WIPF2: variants seen among roughly 807,000 people sequenced by gnomAD.
The protein encoded by WIPF2 is WAS/WASL-interacting protein family member 2.
Under a neutral mutation model 38.8 loss-of-function variants are expected in WIPF2, and 23 were observed. The ratio of observed to expected loss-of-function variants is 0.59; its 90% CI spans 0.43 to 0.84. The LOEUF is 0.84. Among genes scored for constraint, WIPF2 ranks in the 40% least tolerant of loss-of-function variants. WIPF2 has a pLI of 0.00. For missense variants in WIPF2, 574 were observed against 580.5 expected (o/e 0.99, Z 0.11); for synonymous variants, 210 against 223.2 (o/e 0.94, Z 0.53).
chr17:40,256,577 G>A (rs2031738475), intron 2 of WIPF2, 55 bp downstream of exon 2: 3 of 1,534,578 alleles, frequency 2.0e-6, no homozygotes, highest in Admixed American at 4.8e-5. Flanking sequence ...TAGGTTGATG[G>A]TCCTCACATA....
intron 1 of WIPF2, among the ~76,000 whole-genome samples, chr17:40,232,063 AGTGCAGTGGT>A (rs1485313488): frequency 7.1e-6 from 1 of 141,468 alleles, no homozygotes; most frequent in Non-Finnish European, 1.5e-5. Context: ...CCCAGGCTGG[AGTGCAGTGGT>A]GTGATGTCTG....
chr17:40,219,569 A>C (rs955389521), intron 1 of WIPF2, 77 bp downstream of exon 1: 1 of 44,750 alleles, frequency 2.2e-5, no homozygotes, highest in Non-Finnish European at 4.2e-5. Flanking sequence ...AGTCGCGGGG[A>C]GGGGGGCTCG....
chr17:40,247,377 C>T (rs1286606442), intron 1 of WIPF2, among the ~76,000 whole-genome samples: 3 of 151,268 alleles, frequency 2.0e-5, no homozygotes, highest in South Asian at 2.1e-4. Context: ...TGCCACCAAG[C>T]CTGGCTAATT....
At chr17:40,235,417 C>T (rs1486601850) in intron 1 of WIPF2, among the ~76,000 whole-genome samples, 3 of 151,846 alleles carry the variant, frequency 2.0e-5, no homozygotes, top group Non-Finnish European at 4.4e-5. Context: ...CATTCTTTTC[C>T]TTCCTTCCCT....
chr17:40,260,493 G>A, intron 2 of WIPF2, 42 bp from the exon 3 acceptor site: 1 of 1,605,318 alleles, frequency 6.2e-7, no homozygotes, highest in Non-Finnish European at 8.5e-7. Flanking sequence ...GGCCGATAAA[G>A]GGAACTCTTT....
intron 5 of WIPF2, chr17:40,273,467 C>G: frequency 3.7e-6 from 1 of 273,458 alleles, no homozygotes; most frequent in Non-Finnish European, 6.9e-6. Flanking sequence ...GGAGAACATT[C>G]GGAAGGCTTT....
chr17:40,255,301 C>A (rs944089710), intron 1 of WIPF2, among the ~76,000 whole-genome samples: 2 of 151,866 alleles, frequency 1.3e-5, no homozygotes, highest in Non-Finnish European at 2.9e-5. Flanking sequence ...CAAGCCTGCA[C>A]AATACAGGGA....
At position 40,277,171 on chromosome 17, in the gene WIPF2, C is replaced by A. The variant is rs2032428166; in HGVS notation, c.1269C>A (p.Ser423Arg). ...AACACTTTCAGAGGATATATCCCAG[C>A]AAAACAAACCGAGGTGAGAATAATA... is the stretch of plus-strand genomic sequence containing the variant. ...EYKHFQRIYPSKTNRAARGAP... is the reference protein window; with the variant it reads ...EYKHFQRIYPRKTNRAARGAP... The change falls in exon 7 of 8, where the codon AGC (serine) becomes AGA (arginine). Residue 423 changes from serine (S) to arginine (R), a missense_variant. Ser to Arg is a moderately radical substitution (Grantham distance 110). Transcript: ENST00000323571. 2.5e-6 allele frequency: 4 copies of A among 1,608,612 alleles called. No individual in the cohort carries two copies. Among genetic ancestry groups the A allele is most frequent in the Non-Finnish European group, 3.4e-6 (4 of 1,176,486 alleles).
At chr17:40,257,608 T>G (rs1172958249) in intron 2 of WIPF2, among the ~76,000 whole-genome samples, 3 of 151,594 alleles carry the variant, frequency 2.0e-5, no homozygotes, top group Non-Finnish European at 4.4e-5. Flanking sequence ...AGGCCAGGTG[T>G]GGTGACAAGC....
intron 1 of WIPF2, among the ~76,000 whole-genome samples, chr17:40,229,844 G>T (rs951936399): frequency 6.6e-6 from 1 of 152,192 alleles, no homozygotes; most frequent in Non-Finnish European, 1.5e-5. Context: ...CTGAGGAATT[G>T]ACTTTTAAGG....
At chr17:40,268,079 T>C (rs970684560) in intron 5 of WIPF2, among the ~76,000 whole-genome samples, 2 of 152,038 alleles carry the variant, frequency 1.3e-5, no homozygotes, top group African/African-American at 4.8e-5. Context: ...GCCTGGGAGG[T>C]GGAGGCTGCA....
Position 40,278,382 on chromosome 17 carries a change from C to G in WIPF2, c.*157C>G, listed in dbSNP as rs184596035. ...AAATGTCCTCCCAGCTCACCTCCAT[C>G]TATGCATCTCATCTCTGGATTTGGT... On this transcript the variant is annotated 3_prime_UTR_variant, in exon 8 of 8. Transcript: ENST00000323571. 5 of 773,094 alleles carry G rather than the reference C, an allele frequency of 6.5e-6. No individual in the cohort carries two copies. In the African/African-American group the frequency reaches 8.8e-5, roughly 14 times the overall value. 47.9% of individuals were successfully genotyped at this position (773,094 alleles called of 1,614,324 possible).
chr17:40,261,205 G>A (rs1442770349), intron 3 of WIPF2, among the ~76,000 whole-genome samples: 1 of 152,052 alleles, frequency 6.6e-6, no homozygotes, highest in Non-Finnish European at 1.5e-5. Context: ...GGCCTCTGGA[G>A]AGTGCTCACG....
intron 1 of WIPF2, among the ~76,000 whole-genome samples, chr17:40,227,160 C>T (rs1472384777): frequency 1.3e-5 from 2 of 152,190 alleles, no homozygotes; most frequent in Non-Finnish European, 2.9e-5. Flanking sequence ...CCTGCCTCAC[C>T]GTGTCAAGTA....
At chr17:40,236,082 G>A (rs2030956239) in intron 1 of WIPF2, among the ~76,000 whole-genome samples, 1 of 149,240 alleles carries the variant, frequency 6.7e-6, no homozygotes, top group African/African-American at 2.5e-5. Context: ...CCTCAGCACC[G>A]CCCCGAGTTG....
At chr17:40,229,141 T>C (rs150355838) in intron 1 of WIPF2, among the ~76,000 whole-genome samples, 2,372 of 151,752 alleles carry the variant, frequency 0.016, 81 homozygotes, top group African/African-American at 0.054. Context: ...AGATGAGTTT[T>C]GTTCTTGTTG....
intron 2 of WIPF2, among the ~76,000 whole-genome samples, chr17:40,256,778 G>A (rs2031742825): frequency 6.6e-6 from 1 of 152,042 alleles, no homozygotes; most frequent in South Asian, 2.1e-4. Flanking sequence ...GAATAAACAA[G>A]TCCATCTTTT....
At chr17:40,248,883 A>G (rs2031464166) in intron 1 of WIPF2, among the ~76,000 whole-genome samples, 1 of 152,210 alleles carries the variant, frequency 6.6e-6, no homozygotes. Context: ...CATATATTGA[A>G]GAAATAAAGA....
rs113195525 is a variant in WIPF2 at position 40,277,470 on chromosome 17, G to A, written c.1282+286G>A. On this transcript the variant is annotated intron_variant, in intron 7 of 7. Coordinates refer to ENST00000323571, the MANE Select transcript of WIPF2 (RefSeq NM_133264.5). ...GCTGAGGTGGGCGGATCATGAGGTC[G>A]GGAGATCAAGACCATCCTAGCTAAC... is the stretch of plus-strand genomic sequence containing the variant. Among the ~76,000 whole-genome samples the A allele has an allele frequency of 0.16, 23,699 of 151,742 alleles. 1,964 individuals are homozygous for A. Among genetic ancestry groups the A allele is most frequent in the East Asian group, 0.29 (1,505 of 5,124 alleles).
Sources: allele counts gnomAD v4.1 joint callset (sites outside exome capture counted in the v4.1 genomes callset), GRCh38; gene constraint gnomAD v4.1.1; transcripts MANE v1.5; gene names NCBI Gene and HGNC (gene_info 2026-07-23, HGNC 2026-07-21).